Variants in RANBP17 observed in about 807,000 individuals in gnomAD.
RANBP17 encodes ran-binding protein 17.
A neutral mutation model predicts 141.2 loss-of-function variants in RANBP17; 158 were observed. The observed-to-expected ratio is 1.12, with a 90% CI of 0.98 to 1.28. RANBP17 has a LOEUF of 1.28. RANBP17 is among the 50% of genes most tolerant of loss of function. RANBP17 has a pLI of 0.00. For missense variants in RANBP17, 1,438 were observed against 1,290.7 expected (o/e 1.11, Z -1.75); for synonymous variants, 430 against 450.0 (o/e 0.96, Z 0.56).
chr5:170,882,110 A>T (rs548121051), intron 3 of RANBP17, among the ~76,000 whole-genome samples: 2 of 152,088 alleles, frequency 1.3e-5, no homozygotes, highest in African/African-American at 4.8e-5. Flanking sequence ...TTTGAGACAG[A>T]GTCTTGCTCT....
chr5:171,061,159 C>T (rs929479605), intron 14 of RANBP17, among the ~76,000 whole-genome samples: 1 of 152,010 alleles, frequency 6.6e-6, no homozygotes, highest in Non-Finnish European at 1.5e-5. Flanking sequence ...GTCTCTGTTT[C>T]CTTCAGTTCT....
At chr5:171,267,805 A>T (rs1047910129) in intron 25 of RANBP17, among the ~76,000 whole-genome samples, 2 of 152,162 alleles carry the variant, frequency 1.3e-5, no homozygotes, top group African/African-American at 4.8e-5. Context: ...ATCTCAAAAA[A>T]AAAAGAAAAA....
At chr5:171,075,739 G>A (rs1239736476) in intron 14 of RANBP17, among the ~76,000 whole-genome samples, 1 of 152,162 alleles carries the variant, frequency 6.6e-6, no homozygotes, top group Non-Finnish European at 1.5e-5. Flanking sequence ...GATTGCTTGA[G>A]TCCAGCAGTT....
chr5:171,030,471 T>A (rs890297619), intron 14 of RANBP17, among the ~76,000 whole-genome samples: 18 of 151,980 alleles, frequency 1.2e-4, no homozygotes, highest in African/African-American at 4.1e-4. Flanking sequence ...TTGGGTGTTT[T>A]AAAATGTCTC....
chr5:170,876,857 T>TG (rs1768221915), intron 1 of RANBP17, among the ~76,000 whole-genome samples: 1 of 152,140 alleles, frequency 6.6e-6, no homozygotes, highest in Non-Finnish European at 1.5e-5. Flanking sequence ...AAAATTGCAT[T>TG]TTTTTAAAAG....
intron 5 of RANBP17, among the ~76,000 whole-genome samples, chr5:170,905,778 C>T (rs11741392): frequency 0.6 from 91,247 of 151,944 alleles, 29,152 homozygotes; most frequent in South Asian, 0.88. Flanking sequence ...ATGTACTTAT[C>T]TTCATTTTAC....
intron 3 of RANBP17, among the ~76,000 whole-genome samples, chr5:170,886,539 T>C (rs1769169145): frequency 6.6e-6 from 1 of 152,152 alleles, no homozygotes; most frequent in Non-Finnish European, 1.5e-5. Flanking sequence ...TAACTTTTTA[T>C]AATAGATTTG....
Position 171,043,250 on chromosome 5 carries a change from A to T in RANBP17, c.1710+74873A>T, listed in dbSNP as rs534438369. Among the ~76,000 whole-genome samples the T allele has an allele frequency of 2.0e-5, 3 of 152,308 alleles. No individual in the cohort carries two copies. In the South Asian group the frequency reaches 6.2e-4, roughly 32 times the overall value. On this transcript the variant is annotated intron_variant, in intron 14 of 27. Transcript: ENST00000523189. ...AATATTTTATTCCGAAGATTCCAGG[A>T]ACATACATAGGATAAAATAGTGGTT... is the stretch of plus-strand genomic sequence containing the variant.
At chr5:171,258,876 A>C (rs902897061) in intron 24 of RANBP17, among the ~76,000 whole-genome samples, 4 of 152,206 alleles carry the variant, frequency 2.6e-5, no homozygotes, top group African/African-American at 9.6e-5. Flanking sequence ...AATTAGACAA[A>C]TGGGGCTTAA....
At chr5:171,023,410 A>G (rs1239907790) in intron 14 of RANBP17, among the ~76,000 whole-genome samples, 1 of 152,228 alleles carries the variant, frequency 6.6e-6, no homozygotes, top group Admixed American at 6.5e-5. Flanking sequence ...GAAATTGAAC[A>G]GTGAGAGGAA....
intron 14 of RANBP17, among the ~76,000 whole-genome samples, chr5:171,048,002 T>C (rs968807171): frequency 6.6e-6 from 1 of 152,178 alleles, no homozygotes; most frequent in African/African-American, 2.4e-5. Flanking sequence ...TTTATACAAG[T>C]CTTTTGGGCT....
intron 24 of RANBP17, among the ~76,000 whole-genome samples, chr5:171,256,224 G>A (rs1765880488): frequency 6.6e-6 from 1 of 152,186 alleles, no homozygotes. Context: ...GAATTTAACT[G>A]TGTGACCTTG....
chr5:171,272,956 A>G (rs1305774995), intron 25 of RANBP17, among the ~76,000 whole-genome samples: 1 of 152,116 alleles, frequency 6.6e-6, no homozygotes, highest in Non-Finnish European at 1.5e-5. Flanking sequence ...TTTTATAGCC[A>G]GATGTTGAAG....
chr5:171,137,486 C>T (rs1231348248), intron 14 of RANBP17, among the ~76,000 whole-genome samples: 1 of 151,708 alleles, frequency 6.6e-6, no homozygotes, highest in Non-Finnish European at 1.5e-5. Context: ...AGTATTGCCT[C>T]ATTATATTTC....
At chr5:170,923,746 C>T (rs942189026) in intron 11 of RANBP17, among the ~76,000 whole-genome samples, 2 of 151,948 alleles carry the variant, frequency 1.3e-5, no homozygotes, top group Non-Finnish European at 2.9e-5. Context: ...TTTATGTTTC[C>T]TACTGCCTTT....
chr5:171,146,376 A>G (rs1758029209), intron 14 of RANBP17, among the ~76,000 whole-genome samples: 2 of 152,248 alleles, frequency 1.3e-5, no homozygotes, highest in Non-Finnish European at 2.9e-5. Flanking sequence ...TGTTTCACAC[A>G]TGTAATCATT....
chr5:171,075,325 A>G (rs1451691836), intron 14 of RANBP17, among the ~76,000 whole-genome samples: 3 of 152,206 alleles, frequency 2.0e-5, no homozygotes, highest in Admixed American at 2.0e-4. Context: ...AAAAGACCAT[A>G]TCTTCTTTTC....
chr5:170,967,357 C>T (rs529796945), intron 13 of RANBP17, among the ~76,000 whole-genome samples: 3 of 152,178 alleles, frequency 2.0e-5, no homozygotes, highest in South Asian at 2.1e-4. Flanking sequence ...CAGGCCTAGA[C>T]AGAGCTTCCT....
chr5:171,070,228 A>T (rs184424268), intron 14 of RANBP17, among the ~76,000 whole-genome samples: 71 of 152,076 alleles, frequency 4.7e-4, no homozygotes, highest in African/African-American at 1.6e-3. Flanking sequence ...ACTAATTCTG[A>T]CTCCTGATTT....
Sources: gnomAD v4.1 joint callset for allele counts (sites outside exome capture counted in the v4.1 genomes callset) on GRCh38, gnomAD v4.1.1 for gene constraint, MANE v1.5 for transcripts, NCBI Gene and HGNC (gene_info 2026-07-23, HGNC 2026-07-21) for gene names.